The following LOC400499 variants were observed in gnomAD, a reference collection of about 807,000 sequenced individuals.
At chr16:11,446,891 T>G in the LOC400499 span, 1 of 1,535,448 alleles carries the variant, frequency 6.5e-7, no homozygotes, top group Non-Finnish European at 8.7e-7. Context: ...CTCTGCGGGA[T>G]GGGCAGGTGC....
chr16:11,399,367 G>T, the LOC400499 span: 791 of 769,632 alleles, frequency 1.0e-3, 4 homozygotes, highest in Non-Finnish European at 1.3e-3. Context: ...CCAGGATCCC[G>T]CAAGCACTGG....
the LOC400499 span, among the ~76,000 whole-genome samples, chr16:11,515,749 G>GGGA: frequency 1.3e-5 from 2 of 150,140 alleles, no homozygotes; most frequent in African/African-American, 4.9e-5. Context: ...AGGAGGAAAA[G>GGGA]GGAGGAGGAG....
chr16:11,516,414 G>A, the LOC400499 span: 3 of 397,978 alleles, frequency 7.5e-6, no homozygotes, highest in East Asian at 1.1e-4. Flanking sequence ...CAGCCCCCAT[G>A]GGAAGCTCCC....
chr16:11,522,960 T>G, the LOC400499 span, among the ~76,000 whole-genome samples: 4 of 152,182 alleles, frequency 2.6e-5, no homozygotes, highest in Non-Finnish European at 5.9e-5. Flanking sequence ...TGAAACCTAA[T>G]TATAACATCT....
chr16:11,513,122 T>G, the LOC400499 span, among the ~76,000 whole-genome samples: 2 of 151,728 alleles, frequency 1.3e-5, no homozygotes, highest in African/African-American at 2.4e-5. Flanking sequence ...TCGGCGGGGT[T>G]CAACAGTTCA....
the LOC400499 span, among the ~76,000 whole-genome samples, chr16:11,502,820 T>C: frequency 6.6e-6 from 1 of 151,648 alleles, no homozygotes; most frequent in Non-Finnish European, 1.5e-5. Context: ...TTCACCATGT[T>C]AGCCAGGATG....
At chr16:11,462,959 T>G in the LOC400499 span, among the ~76,000 whole-genome samples, 6 of 152,122 alleles carry the variant, frequency 3.9e-5, no homozygotes, top group African/African-American at 1.2e-4. Context: ...TCCTCCTGGC[T>G]CTCCCGGCTC....
chr16:11,520,203 C>A, the LOC400499 span, among the ~76,000 whole-genome samples: 1 of 152,076 alleles, frequency 6.6e-6, no homozygotes, highest in Middle Eastern at 3.2e-3. Flanking sequence ...TACTTAATGC[C>A]ACTGAATCAT....
At chr16:11,386,327 G>A in the LOC400499 span, among the ~76,000 whole-genome samples, 1 of 152,262 alleles carries the variant, frequency 6.6e-6, no homozygotes, top group Non-Finnish European at 1.5e-5. Context: ...GCCAGTCCCA[G>A]CATCCTGAGG....
At chr16:11,491,322 T>C in the LOC400499 span, among the ~76,000 whole-genome samples, 2 of 152,150 alleles carry the variant, frequency 1.3e-5, no homozygotes, top group African/African-American at 2.4e-5. Flanking sequence ...CCAGAAGGGA[T>C]CTAGATTTGC....
chr16:11,455,197 T>C, the LOC400499 span, among the ~76,000 whole-genome samples: 59,814 of 152,024 alleles, frequency 0.39, 12,997 homozygotes, highest in Non-Finnish European at 0.5. Context: ...TTTATAGTTA[T>C]AATTGGGTAA....
At chr16:11,450,817 G>C in the LOC400499 span, 1 of 1,527,344 alleles carries the variant, frequency 6.5e-7, no homozygotes, top group East Asian at 2.5e-5. Flanking sequence ...CAGGTTCAAG[G>C]CTCCTGCAAG....
chr16:11,460,832 C>A, the LOC400499 span: 2 of 1,290,468 alleles, frequency 1.5e-6, no homozygotes, highest in Non-Finnish European at 2.1e-6. Context: ...CAGTCCTACT[C>A]AGAGCCAACA....
the LOC400499 span, among the ~76,000 whole-genome samples, chr16:11,419,808 G>C: frequency 9.2e-5 from 14 of 151,910 alleles, no homozygotes; most frequent in African/African-American, 3.4e-4. Context: ...CTTCTCAAAA[G>C]AAGACATTTA....
chr16:11,507,744 C>A, the LOC400499 span, among the ~76,000 whole-genome samples: 2 of 152,138 alleles, frequency 1.3e-5, no homozygotes, highest in South Asian at 2.1e-4. Context: ...CCAGCCTGGG[C>A]AACATGGCAA....
chr16:11,422,698 G>A, the LOC400499 span, among the ~76,000 whole-genome samples: 21 of 152,154 alleles, frequency 1.4e-4, no homozygotes, highest in Admixed American at 1.4e-3. Flanking sequence ...AAATGCCTGA[G>A]CCCGTGACGC....
chr16:11,430,175 C>G, the LOC400499 span, among the ~76,000 whole-genome samples: 5 of 152,230 alleles, frequency 3.3e-5, no homozygotes, highest in African/African-American at 1.2e-4. Context: ...CACAACATGA[C>G]TGCCCGGTAC....
At chr16:11,425,232 C>A in the LOC400499 span, 1 of 399,004 alleles carries the variant, frequency 2.5e-6, no homozygotes, top group Admixed American at 4.4e-5. Context: ...TGCATGGGCC[C>A]GGATGCTGGC....
chr16:11,468,197 A>C, the LOC400499 span, among the ~76,000 whole-genome samples: 1,251 of 152,352 alleles, frequency 8.2e-3, 17 homozygotes, highest in African/African-American at 0.028. Context: ...TTGAAGACAC[A>C]CAGTTAGCGT....
Sources: allele counts gnomAD v4.1 joint callset (sites outside exome capture counted in the v4.1 genomes callset), GRCh38; gene constraint gnomAD v4.1.1; transcripts MANE v1.5.